The following HTT variants were observed in gnomAD, a reference collection of about 807,000 sequenced individuals.
The protein encoded by HTT is huntington disease protein.
Under a neutral mutation model 362.3 loss-of-function variants are expected in HTT, and 104 were observed. That is an observed-to-expected ratio of 0.29 (90% CI 0.24 to 0.34). The LOEUF (loss-of-function observed/expected upper bound fraction) is 0.34. Ranked by LOEUF, HTT falls within the 10% of genes least tolerant of loss-of-function variation. HTT has a pLI of 1.00. For missense variants in HTT, 3,301 were observed against 3,928.6 expected, an observed-to-expected ratio of 0.84 and a Z score of 4.27; for synonymous variants, 1,577 against 1,548.7, an observed-to-expected ratio of 1.02 and a Z score of -0.43.
At chr4:3,107,658 T>G (rs1205788204) in intron 6 of HTT, among the ~76,000 whole-genome samples, 1 of 152,156 alleles carries the variant, frequency 6.6e-6, no homozygotes. Flanking sequence ...TAGATGCAAA[T>G]TGAAAAGGCA....
intron 18 of HTT, among the ~76,000 whole-genome samples, chr4:3,133,925 GCC>G (rs576092565): frequency 1.3e-5 from 2 of 152,126 alleles, no homozygotes; most frequent in African/African-American, 2.4e-5. Flanking sequence ...ATGTGATGGT[GCC>G]CCTGGGTGCT....
intron 61 of HTT, among the ~76,000 whole-genome samples, chr4:3,234,626 G>T (rs867900083): frequency 1.4e-4 from 21 of 152,372 alleles, no homozygotes; most frequent in South Asian, 1.0e-3. Flanking sequence ...CGTTTGGGAT[G>T]CAGAGAGCTT....
At chr4:3,200,800 C>T (rs982936533) in intron 41 of HTT, among the ~76,000 whole-genome samples, 2 of 152,162 alleles carry the variant, frequency 1.3e-5, no homozygotes, top group African/African-American at 4.8e-5. Context: ...AGACCAGTGA[C>T]GACATTTGAA....
At chr4:3,232,026 C>T (rs1032204796) in intron 60 of HTT, among the ~76,000 whole-genome samples, 2 of 152,110 alleles carry the variant, frequency 1.3e-5, no homozygotes, top group South Asian at 2.1e-4. Context: ...CAGAGCATGT[C>T]GTTTTGAGGT....
chr4:3,160,475 C>A, intron 29 of HTT, 83 bp downstream of exon 29: 1 of 979,416 alleles, frequency 1.0e-6, no homozygotes, highest in Non-Finnish European at 1.6e-6. Flanking sequence ...TAGGATGGAG[C>A]CTGGTTCTCC....
chr4:3,206,445 G>C lies in HTT; in HGVS notation c.5719-51G>C, dbSNP rs748485518. ...TGGCCTTTCTATGGCATTAATACCT[G>C]GTCTCTTCTTGTGTACTTGAAAATG... On this transcript the variant is annotated intron_variant, in intron 42 of 66. Transcript: ENST00000355072. The surrounding 1 kb of genome is among the most constrained non-coding windows in gnomAD (Gnocchi z 4.6). 1.4e-6 allele frequency: 2 copies of C among 1,437,792 alleles called. No individual in the cohort carries two copies. The highest frequency in any genetic ancestry group is 2.0e-6 in the Non-Finnish European group (2 of 1,021,948). 89.1% of individuals were successfully genotyped at this position (1,437,792 alleles called of 1,614,324 possible). A position where few individuals can be genotyped will look rare whatever the true frequency, so the allele number is the denominator to read the frequency against.
chr4:3,112,491 T>C (rs57833463), intron 6 of HTT, among the ~76,000 whole-genome samples: 1,727 of 152,320 alleles, frequency 0.011, 35 homozygotes, highest in African/African-American at 0.04. Flanking sequence ...TGTTTTTAAA[T>C]TCTGTGTACA....
rs549937393 is a variant in HTT at position 3,210,019 on chromosome 4, T to G, written c.6414+70T>G. 1.9e-6 allele frequency: 3 copies of G among 1,575,228 alleles called. No individual in the cohort carries two copies. In the African/African-American group the frequency reaches 4.0e-5, roughly 21 times the overall value. On this transcript the variant is annotated intron_variant, in intron 47 of 66. Transcript: ENST00000355072. ...TGACTTCCAAGTGGGATTTGTCTCA[T>G]CATCATGTGACCCACTTGTTGACAA...
chr4:3,077,584 T>C (rs1205803841), intron 1 of HTT, among the ~76,000 whole-genome samples: 2 of 152,114 alleles, frequency 1.3e-5, no homozygotes. Context: ...CATGTCCAGC[T>C]AATTTTTGTA....
intron 4 of HTT, among the ~76,000 whole-genome samples, chr4:3,104,582 T>C (rs934772270): frequency 2.6e-5 from 4 of 152,048 alleles, no homozygotes; most frequent in Admixed American, 2.6e-4. Context: ...CATTCCAGCC[T>C]GAGCGACAGA....
chr4:3,235,275 C>G lies in HTT; in HGVS notation c.8457-9C>G. On this transcript the variant is annotated splice_polypyrimidine_tract_variant and intron_variant, in intron 61 of 66. Transcript: ENST00000355072. ...GTGGCTGAGCCTGGATGCTGTCTCC[C>G]GTTTTCAGCTGCGTGAACATTCACA... is the stretch of plus-strand genomic sequence containing the variant. 1 of 1,595,854 alleles carries G rather than the reference C, an allele frequency of 6.3e-7. No homozygotes were observed. Among genetic ancestry groups the G allele is most frequent in the Non-Finnish European group, 8.6e-7 (1 of 1,163,970 alleles).
chr4:3,154,251 GTTTTTGTT>G, intron 26 of HTT, 34 bp from the exon 27 acceptor site: 2 of 1,469,102 alleles, frequency 1.4e-6, no homozygotes, highest in Non-Finnish European at 1.8e-6. Context: ...TCCATCACAT[GTTTTTGTT>G]TTTTTGTTTT....
chr4:3,095,684 C>T (rs1713821563), intron 2 of HTT, among the ~76,000 whole-genome samples: 1 of 152,120 alleles, frequency 6.6e-6, no homozygotes, highest in Non-Finnish European at 1.5e-5. Context: ...CTAATTTATG[C>T]TGCATGTGAA....
intron 26 of HTT, among the ~76,000 whole-genome samples, chr4:3,149,795 C>G (rs1188287621): frequency 6.6e-6 from 1 of 152,182 alleles, no homozygotes; most frequent in African/African-American, 2.4e-5. Flanking sequence ...CTGAGGTGGA[C>G]CTTGTTTGCA....
intron 40 of HTT, among the ~76,000 whole-genome samples, chr4:3,192,089 T>C (rs1578575720): frequency 6.6e-6 from 1 of 152,196 alleles, no homozygotes; most frequent in Non-Finnish European, 1.5e-5. Flanking sequence ...ATTTTAAAGA[T>C]AGGGTCTCAC....
chr4:3,231,441 C>G (rs552753178), intron 60 of HTT, among the ~76,000 whole-genome samples: 1 of 152,294 alleles, frequency 6.6e-6, no homozygotes, highest in Non-Finnish European at 1.5e-5. Flanking sequence ...CCCTAGGCGG[C>G]CAAGGTCAGA....
At position 3,127,455 on chromosome 4, in the gene HTT, C is replaced by G; in HGVS notation, c.1594C>G (p.His532Asp). 6.2e-7 allele frequency: 1 copy of G among 1,614,178 alleles called. No individual in the cohort carries two copies. Residue 532 changes from histidine (H) to aspartate (D), a missense_variant, in exon 12 of 67, where the codon CAC becomes GAC. His to Asp is a moderately conservative substitution (Grantham distance 81). Transcript: ENST00000355072. Reference protein sequence around the residue: ...TDGDEEDILSHSSSQVSAVPS... With the variant: ...TDGDEEDILSDSSSQVSAVPS... ...TGGGGATGAGGAGGATATCTTGAGC[C>G]ACAGCTCCAGCCAGGTCAGCGCCGT... is the stretch of plus-strand genomic sequence containing the variant.
At chr4:3,151,649 A>G (rs921603539) in intron 26 of HTT, among the ~76,000 whole-genome samples, 14 of 152,172 alleles carry the variant, frequency 9.2e-5, no homozygotes, top group South Asian at 2.1e-4. Flanking sequence ...GCTCCTTATG[A>G]GAATCTAATG....
chr4:3,137,156 T>C (rs1399331183), intron 21 of HTT, among the ~76,000 whole-genome samples: 5 of 152,026 alleles, frequency 3.3e-5, no homozygotes, highest in South Asian at 4.2e-4. Context: ...TCCACCTGCA[T>C]TGGCCTCCCA....
Sources: gnomAD v4.1 joint callset for allele counts (sites outside exome capture counted in the v4.1 genomes callset) on GRCh38, gnomAD v4.1.1 for gene constraint, Gnocchi (gnomAD v3.1) non-coding constraint, MANE v1.5 for transcripts, NCBI Gene and HGNC (gene_info 2026-07-23, HGNC 2026-07-21) for gene names.